Variants in NELL1 observed in about 807,000 individuals in gnomAD.
NELL1 encodes the protein neural EGFL like 1.
A neutral mutation model predicts 107.4 loss-of-function variants in NELL1; 76 were observed. The ratio of observed to expected loss-of-function variants is 0.71; its 90% CI spans 0.59 to 0.86. The LOEUF is 0.86. Ranked by LOEUF, NELL1 falls within the 40% of genes least tolerant of loss-of-function variation. The pLI is 0.00. For missense variants in NELL1, 1,024 were observed against 1,005.5 expected (o/e 1.02, Z -0.25); for synonymous variants, 353 against 341.2 (o/e 1.03, Z -0.38).
At position 20,847,820 on chromosome 11, in the gene NELL1, A is replaced by T. The variant is rs563393904; in HGVS notation, c.506+67A>T. On this transcript the variant is annotated intron_variant, in intron 4 of 19. Transcript: ENST00000357134. Reference sequence around the variant, plus strand: ...ATCAAGCAATGGAAAAGGGGAAAAAATATCAAATTCCTTCAAGACTTGCCA... The same window carrying T: ...ATCAAGCAATGGAAAAGGGGAAAAATTATCAAATTCCTTCAAGACTTGCCA... The T allele has an allele frequency of 4.1e-6, 6 of 1,478,524 alleles. No homozygotes were observed. The African/African-American group carries it at 8.4e-5, about 21-fold the overall frequency. 91.6% of individuals were successfully genotyped at this position (1,478,524 alleles called of 1,614,324 possible). A position where few individuals can be genotyped will look rare whatever the true frequency, so the allele number is the denominator to read the frequency against.
intron 3 of NELL1, among the ~76,000 whole-genome samples, chr11:20,805,300 T>G (rs1409741258): frequency 1.3e-5 from 2 of 152,198 alleles, no homozygotes; most frequent in Non-Finnish European, 2.9e-5. Context: ...CATTCAATGT[T>G]AATGATAAAT....
intron 12 of NELL1, among the ~76,000 whole-genome samples, chr11:20,987,916 A>G (rs1851884990): frequency 3.3e-5 from 5 of 152,152 alleles, no homozygotes; most frequent in Non-Finnish European, 5.9e-5. Flanking sequence ...TTTGTGGAAT[A>G]ATTTGTTGGT....
intron 3 of NELL1, among the ~76,000 whole-genome samples, chr11:20,818,013 G>C (rs887160500): frequency 2.0e-5 from 3 of 151,882 alleles, no homozygotes; most frequent in African/African-American, 7.3e-5. Context: ...AAAAGCATGT[G>C]GTTGATCTTA....
intron 3 of NELL1, among the ~76,000 whole-genome samples, chr11:20,813,201 AT>A (rs1857542687): frequency 6.6e-6 from 1 of 152,132 alleles, no homozygotes; most frequent in Non-Finnish European, 1.5e-5. Context: ...ATGGGTGACC[AT>A]ATTTTCTAAA....
chr11:21,290,166 G>A (rs1300675461), intron 14 of NELL1, among the ~76,000 whole-genome samples: 1 of 151,952 alleles, frequency 6.6e-6, no homozygotes, highest in East Asian at 1.9e-4. Flanking sequence ...TCAGGAGATC[G>A]AGACCATCCT....
chr11:20,938,932 CTCTCTCTCTGTG>C (rs1278315929), intron 10 of NELL1, among the ~76,000 whole-genome samples: 30 of 140,640 alleles, frequency 2.1e-4, no homozygotes, highest in Middle Eastern at 3.5e-3. Context: ...CTCTCTCTCT[CTCTCTCTCTGTG>C]TGTGTGTGTG....
Position 21,378,263 on chromosome 11 carries a change from A to ATG in NELL1, c.1645+7317_1645+7318dup, listed in dbSNP as rs1851524542. Among the ~76,000 whole-genome samples the ATG allele has an allele frequency of 4.3e-5, 3 of 69,126 alleles. No individual in the cohort carries two copies. In the South Asian group the frequency reaches 1.1e-3, roughly 25 times the overall value. The allele number at this position is 69,126 out of a possible 152,430, so 45.3% of individuals were successfully genotyped here. A position where few individuals can be genotyped will look rare whatever the true frequency, so the allele number is the denominator to read the frequency against. On this transcript the variant is annotated intron_variant, in intron 15 of 19. Transcript: ENST00000357134. ...GTCTTTTTAAAAAATATGCATATAT[A>ATG]TGTATATATATATATATATATATTA...
intron 14 of NELL1, among the ~76,000 whole-genome samples, chr11:21,259,116 G>A (rs1236257189): frequency 6.6e-6 from 1 of 151,850 alleles, no homozygotes; most frequent in Non-Finnish European, 1.5e-5. Context: ...GTGCAAAAAT[G>A]GCTGAGGTAA....
At chr11:21,483,037 G>T (rs1443744671) in intron 15 of NELL1, among the ~76,000 whole-genome samples, 2 of 151,796 alleles carry the variant, frequency 1.3e-5, no homozygotes, top group East Asian at 3.9e-4. Flanking sequence ...GCCCAGGCTG[G>T]AGTGCGGTGG....
chr11:20,741,721 A>T (rs115688817), intron 2 of NELL1, among the ~76,000 whole-genome samples: 1,734 of 152,274 alleles, frequency 0.011, 35 homozygotes, highest in African/African-American at 0.039. Flanking sequence ...CTACGATGGA[A>T]CACTCCAAGT....
intron 14 of NELL1, among the ~76,000 whole-genome samples, chr11:21,359,432 T>C (rs1851021257): frequency 6.6e-6 from 1 of 152,232 alleles, no homozygotes; most frequent in African/African-American, 2.4e-5. Context: ...TGTATGCATC[T>C]ATGTTCACCA....
intron 2 of NELL1, among the ~76,000 whole-genome samples, chr11:20,763,813 G>A (rs1856474444): frequency 6.6e-6 from 1 of 152,236 alleles, no homozygotes; most frequent in South Asian, 2.1e-4. Context: ...GGAAGAACCT[G>A]GAAGGGCAGG....
intron 3 of NELL1, among the ~76,000 whole-genome samples, chr11:20,822,442 G>T (rs378575): frequency 6.6e-6 from 1 of 152,116 alleles, no homozygotes; most frequent in African/African-American, 2.4e-5. Flanking sequence ...TTGAATGAAT[G>T]CGACAAACTT....
intron 12 of NELL1, among the ~76,000 whole-genome samples, chr11:21,090,788 A>C (rs1431315625): frequency 6.6e-6 from 1 of 152,182 alleles, no homozygotes; most frequent in Non-Finnish European, 1.5e-5. Flanking sequence ...GAGGCAAATG[A>C]GAGCTTTACC....
intron 5 of NELL1, among the ~76,000 whole-genome samples, chr11:20,911,992 A>G (rs1210275740): frequency 3.9e-5 from 6 of 152,168 alleles, no homozygotes; most frequent in Non-Finnish European, 8.8e-5. Context: ...TTTAATATTT[A>G]TCTTGTACAT....
intron 15 of NELL1, among the ~76,000 whole-genome samples, chr11:21,417,502 T>C (rs1018685390): frequency 2.0e-5 from 3 of 152,080 alleles, no homozygotes; most frequent in Admixed American, 1.3e-4. Flanking sequence ...AGCTTGTTTG[T>C]CTCTCAAACA....
At chr11:21,314,261 C>T (rs934231003) in intron 14 of NELL1, among the ~76,000 whole-genome samples, 17 of 152,194 alleles carry the variant, frequency 1.1e-4, no homozygotes, top group African/African-American at 3.6e-4. Flanking sequence ...CTTTTAAATA[C>T]CCCACTTCCA....
At chr11:21,490,207 A>G (rs914633070) in intron 15 of NELL1, among the ~76,000 whole-genome samples, 2 of 152,050 alleles carry the variant, frequency 1.3e-5, no homozygotes, top group African/African-American at 2.4e-5. Flanking sequence ...TCCAAAAAAT[A>G]TATACTCAGG....
chr11:21,527,519 G>T (rs913493480), intron 15 of NELL1, among the ~76,000 whole-genome samples: 2 of 152,050 alleles, frequency 1.3e-5, no homozygotes, highest in Non-Finnish European at 2.9e-5. Context: ...TATTAGTCAG[G>T]GTTCTCTAAA....
Sources: gnomAD v4.1 joint callset for allele counts (sites outside exome capture counted in the v4.1 genomes callset) on GRCh38, gnomAD v4.1.1 for gene constraint, MANE v1.5 for transcripts, NCBI Gene and HGNC (gene_info 2026-07-23, HGNC 2026-07-21) for gene names.